Variants in TBC1D5 observed in about 807,000 individuals in gnomAD.
TBC1D5 encodes TBC1 domain family, member 5.
TBC1D5 carries 75 observed loss-of-function variants against 100.3 expected under a neutral mutation model. The observed-to-expected ratio is 0.75, with a 90% CI of 0.62 to 0.91. The LOEUF (loss-of-function observed/expected upper bound fraction) is 0.91, where lower values mean the gene tolerates loss of function less well. Among genes scored for constraint, TBC1D5 ranks in the 40% least tolerant of loss-of-function variants. The pLI, the probability that TBC1D5 is intolerant of heterozygous loss-of-function variation, is 0.00. For synonymous variants in TBC1D5, 323 were observed against 325.6 expected, an observed-to-expected ratio of 0.99 and a Z score of 0.09; for missense variants, 910 against 942.4, an observed-to-expected ratio of 0.97 and a Z score of 0.45.
At chr3:17,190,464 C>T (rs939610543) in intron 18 of TBC1D5, among the ~76,000 whole-genome samples, 3 of 152,148 alleles carry the variant, frequency 2.0e-5, no homozygotes, top group Admixed American at 2.0e-4. Flanking sequence ...TTTTAGGAGG[C>T]AGGAAAGTAT....
intron 14 of TBC1D5, among the ~76,000 whole-genome samples, chr3:17,301,919 C>A (rs1488683488): frequency 1.3e-5 from 2 of 152,172 alleles, no homozygotes. Flanking sequence ...TTTACGATTA[C>A]TCTCACATTA....
chr3:17,677,948 G>A (rs1249008990), intron 1 of TBC1D5, among the ~76,000 whole-genome samples: 1 of 152,142 alleles, frequency 6.6e-6, no homozygotes, highest in African/African-American at 2.4e-5. Context: ...ATTGAACAAT[G>A]AGAACACTTG....
intron 1 of TBC1D5, among the ~76,000 whole-genome samples, chr3:17,631,397 A>G (rs1013536544): frequency 5.9e-5 from 9 of 152,250 alleles, no homozygotes; most frequent in African/African-American, 2.2e-4. Context: ...TTAAAGTGCA[A>G]AGTGAAGCAA....
At position 17,167,745 on chromosome 3, in the gene TBC1D5, A is replaced by G. The variant is rs2066782423; in HGVS notation, c.1932+4T>C. ...AAGAAATAGTGTCAGAGCAATGCAC[A>G]TACCTGTTTTAATCCTGCCAGGGAA... On this transcript the variant is annotated splice_donor_region_variant and intron_variant, in intron 20 of 21. Transcript: ENST00000253692. 1.2e-6 allele frequency: 2 copies of G among 1,613,828 alleles called. No individual in the cohort carries two copies. The highest frequency in any genetic ancestry group is 8.5e-7 in the Non-Finnish European group (1 of 1,179,740).
intron 4 of TBC1D5, among the ~76,000 whole-genome samples, chr3:17,419,018 G>A (rs1160939670): frequency 6.6e-6 from 1 of 152,094 alleles, no homozygotes; most frequent in Non-Finnish European, 1.5e-5. Context: ...TGGTATCCAT[G>A]GGGGTCCTGA....
chr3:17,275,669 A>AAT (rs2079914326), intron 15 of TBC1D5, among the ~76,000 whole-genome samples: 1 of 152,214 alleles, frequency 6.6e-6, no homozygotes, highest in African/African-American at 2.4e-5. Flanking sequence ...TTATATGTTT[A>AAT]ATATATATCT....
intron 1 of TBC1D5, among the ~76,000 whole-genome samples, chr3:17,664,251 T>G (rs1295955651): frequency 2.0e-5 from 3 of 152,128 alleles, no homozygotes; most frequent in Non-Finnish European, 4.4e-5. Context: ...TTTGTATTTT[T>G]AATAGAGACG....
intron 3 of TBC1D5, 27 bp downstream of exon 3, chr3:17,508,447 C>T (rs1227014160): frequency 7.6e-6 from 12 of 1,574,666 alleles, no homozygotes; most frequent in South Asian, 1.1e-5. Context: ...ACACTACCTA[C>T]AAATAGTATT....
intron 13 of TBC1D5, among the ~76,000 whole-genome samples, chr3:17,369,958 T>C (rs1338579406): frequency 6.6e-6 from 1 of 152,206 alleles, no homozygotes; most frequent in African/African-American, 2.4e-5. Context: ...GAGGTAGCTA[T>C]GATTATTGCA....
At chr3:17,195,419 T>C (rs544572175) in intron 18 of TBC1D5, among the ~76,000 whole-genome samples, 1 of 152,234 alleles carries the variant, frequency 6.6e-6, no homozygotes, top group Non-Finnish European at 1.5e-5. Flanking sequence ...GAGTTTCTCA[T>C]AGCAATGCTG....
chr3:17,352,941 CA>C (rs1195299670), intron 13 of TBC1D5, among the ~76,000 whole-genome samples: 1 of 152,034 alleles, frequency 6.6e-6, no homozygotes, highest in Non-Finnish European at 1.5e-5. Flanking sequence ...ACACACTAAA[CA>C]AACTTAAACA....
chr3:17,670,690 C>A (rs1349278693), intron 1 of TBC1D5, among the ~76,000 whole-genome samples: 2 of 152,186 alleles, frequency 1.3e-5, no homozygotes, highest in African/African-American at 4.8e-5. Flanking sequence ...AATAAAGAAG[C>A]TCAATTCTTC....
chr3:17,222,709 T>G (rs2074416692), intron 17 of TBC1D5, among the ~76,000 whole-genome samples: 1 of 152,122 alleles, frequency 6.6e-6, no homozygotes, highest in Admixed American at 6.5e-5. Flanking sequence ...TCCTAGGGTG[T>G]GTCATTTTTA....
chr3:17,332,078 A>G (rs2086945305), intron 13 of TBC1D5, among the ~76,000 whole-genome samples: 1 of 152,212 alleles, frequency 6.6e-6, no homozygotes, highest in Admixed American at 6.5e-5. Context: ...TGGAGAACAG[A>G]CTGTAAGGAG....
rs1424375514 is a variant in TBC1D5 at position 17,238,438 on chromosome 3, G to C, written c.1332-19C>G. The C allele has an allele frequency of 6.2e-7, 1 of 1,600,320 alleles. No individual in the cohort carries two copies. Among genetic ancestry groups the C allele is most frequent in the East Asian group, 2.2e-5 (1 of 44,598 alleles). On this transcript the variant is annotated intron_variant, in intron 16 of 21. Transcript: ENST00000253692. ...ATTGGTCCTGTTAAAAAAAGAAATG[G>C]AGAAGCATTATTTACATTAGAGGAT...
At chr3:17,385,707 C>A (rs551733058) in intron 8 of TBC1D5, among the ~76,000 whole-genome samples, 1 of 151,618 alleles carries the variant, frequency 6.6e-6, no homozygotes, top group African/African-American at 2.4e-5. Flanking sequence ...TTTTTTCCTA[C>A]CTTTTCTGTG....
chr3:17,705,444 T>C (rs1156274738), intron 1 of TBC1D5, among the ~76,000 whole-genome samples: 1 of 147,056 alleles, frequency 6.8e-6, no homozygotes, highest in Non-Finnish European at 1.5e-5. Flanking sequence ...GCTCCTCACT[T>C]CTCAGACGGG....
At chr3:17,389,962 T>G (rs2093301179) in intron 8 of TBC1D5, among the ~76,000 whole-genome samples, 1 of 152,150 alleles carries the variant, frequency 6.6e-6, no homozygotes, top group South Asian at 2.1e-4. Flanking sequence ...AAAAAATCCT[T>G]CATCAATTTT....
chr3:17,512,508 A>G (rs1446049385), intron 2 of TBC1D5, among the ~76,000 whole-genome samples: 4 of 152,152 alleles, frequency 2.6e-5, no homozygotes. Context: ...CTCTTAGTAG[A>G]TGACTACTTA....
Sources: allele counts gnomAD v4.1 joint callset (sites outside exome capture counted in the v4.1 genomes callset), GRCh38; gene constraint gnomAD v4.1.1; transcripts MANE v1.5; gene names NCBI Gene and HGNC (gene_info 2026-07-23, HGNC 2026-07-21).